The following STYX variants were observed in gnomAD, a reference collection of about 807,000 sequenced individuals.
STYX encodes serine/threonine/tyrosine interacting protein, also known as serine/threonine/tyrosine-interacting protein.
A neutral mutation model predicts 42.7 loss-of-function variants in STYX; 20 were observed. The ratio of observed to expected loss-of-function variants is 0.47; its 90% confidence interval spans 0.33 to 0.68. The LOEUF is 0.68. STYX is among the 30% of genes least tolerant of loss of function. The pLI is 0.02. For synonymous variants in STYX, 78 were observed against 81.9 expected (o/e 0.95, Z 0.26); for missense variants, 226 against 268.5 (o/e 0.84, Z 1.11).
At position 52,751,228 on chromosome 14, in the gene STYX, T is replaced by C. The variant is rs76927803; in HGVS notation, c.242+448T>C. Among the ~76,000 whole-genome samples the C allele has an allele frequency of 1.6e-3, 241 of 152,190 alleles. 1 individual carries two copies. Among genetic ancestry groups the C allele is most frequent in the African/African-American group, 5.6e-3 (233 of 41,562 alleles). ...CATTGGCTTTCTTTTTTACTTTATA[T>C]TTTTTGGAGATTGGTTTATATCGGT... On this transcript the variant is annotated intron_variant, in intron 4 of 10. Transcript: ENST00000354586.
intron 1 of STYX, among the ~76,000 whole-genome samples, chr14:52,733,496 C>A (rs1880817863): frequency 6.6e-6 from 1 of 152,178 alleles, no homozygotes; most frequent in African/African-American, 2.4e-5. Context: ...AGGCTGCCCC[C>A]AACCTCAGAT....
At chr14:52,751,969 C>T (rs1881630506) in intron 4 of STYX, among the ~76,000 whole-genome samples, 1 of 152,216 alleles carries the variant, frequency 6.6e-6, no homozygotes, top group Non-Finnish European at 1.5e-5. Flanking sequence ...TCGAGACCAG[C>T]CTGGCCAACA....
chr14:52,752,165 CA>C (rs1881639403), intron 4 of STYX, among the ~76,000 whole-genome samples: 2 of 106,450 alleles, frequency 1.9e-5, no homozygotes, highest in Admixed American at 1.9e-4. Context: ...GTCTCAAAAA[CA>C]AAACAAAACA....
chr14:52,740,236 A>T (rs907608411), intron 1 of STYX, among the ~76,000 whole-genome samples: 1 of 152,184 alleles, frequency 6.6e-6, no homozygotes, highest in Non-Finnish European at 1.5e-5. Context: ...AGATCGTGCC[A>T]CTGCATTGCA....
chr14:52,749,924 A>G (rs1465653131), intron 3 of STYX, among the ~76,000 whole-genome samples: 1 of 152,210 alleles, frequency 6.6e-6, no homozygotes, highest in Non-Finnish European at 1.5e-5. Context: ...ACTGTATGAA[A>G]TTACGTTCAG....
Position 52,771,035 on chromosome 14 carries a change from A to C in STYX, c.601A>C (p.Ser201Arg), listed in dbSNP as rs972959821. ...SLSVHSGTTG[S>R]LKRTHEEEDD... ...AATCTTCATGCAATAACTTTTAGGC[A>C]GTTTGAAGAGAACACATGAAGAAGA... Residue 201 changes from serine (S) to arginine (R), a missense_variant and splice_region_variant, in exon 11 of 11, where the codon AGT (serine) becomes CGT (arginine). Ser to Arg is a moderately radical substitution (Grantham distance 110, BLOSUM62 -1). Coordinates refer to ENST00000354586, the MANE Select transcript of STYX (RefSeq NM_145251.4). 1 of 1,612,500 alleles carries C rather than the reference A, an allele frequency of 6.2e-7. No individual in the cohort carries two copies. The highest frequency in any genetic ancestry group is 1.1e-5 in the South Asian group (1 of 90,914).
Position 52,774,640 on chromosome 14 carries a change from A to G in STYX, c.*3534A>G, listed in dbSNP as rs1305808016. 1 of 150,676 alleles carries G rather than the reference A, an allele frequency of 6.6e-6. No individual in the cohort carries two copies. The highest frequency in any genetic ancestry group is 1.5e-5 in the Non-Finnish European group (1 of 67,864). The allele number at this position is 150,676 out of a possible 1,614,324, so 9.3% of individuals were successfully genotyped here. On this transcript the variant is annotated 3_prime_UTR_variant, in exon 11 of 11. Coordinates refer to ENST00000354586, the MANE Select transcript of STYX (RefSeq NM_145251.4). ...CCCATCTGTGGCAGCTAAAACAAAAATCACTCAAAATATTCAGGTTTACAT... is the reference window on the plus strand; with the variant it reads ...CCCATCTGTGGCAGCTAAAACAAAAGTCACTCAAAATATTCAGGTTTACAT...
intron 9 of STYX, among the ~76,000 whole-genome samples, chr14:52,763,651 TG>T (rs1213605447): frequency 2.6e-5 from 4 of 152,172 alleles, no homozygotes; most frequent in Admixed American, 6.5e-5. Flanking sequence ...TTTTTATTTT[TG>T]TTCATATTTA....
At chr14:52,746,370 T>A in intron 2 of STYX, 56 bp from the exon 3 acceptor site, 1 of 1,344,256 alleles carries the variant, frequency 7.4e-7, no homozygotes, top group Admixed American at 2.4e-5. Context: ...CTTATTTATA[T>A]AGCCTTATAG....
At position 52,772,133 on chromosome 14, in the gene STYX, T is replaced by C. The variant is rs955443698; in HGVS notation, c.*1027T>C. 6.6e-6 allele frequency: 1 copy of C among 152,268 alleles called. No individual in the cohort carries two copies. Among genetic ancestry groups the C allele is most frequent in the East Asian group, 1.9e-4 (1 of 5,206 alleles). 9.4% of individuals were successfully genotyped at this position (152,268 alleles called of 1,614,324 possible). ...CACTGAAAAGTTCTTAACATTTTTG[T>C]GTAATTTCCTTTCTTTTTAAACCAT... is the stretch of plus-strand genomic sequence containing the variant. On this transcript the variant is annotated 3_prime_UTR_variant, in exon 11 of 11. Coordinates refer to ENST00000354586, the MANE Select transcript of STYX (RefSeq NM_145251.4).
chr14:52,745,111 GGTTTTTTTTTT>G (rs1355918666), intron 2 of STYX, among the ~76,000 whole-genome samples: 4 of 142,882 alleles, frequency 2.8e-5, no homozygotes, highest in African/African-American at 7.8e-5. Context: ...ACTTTCTCTT[GGTTTTTTTTTT>G]GTTTTTTTTT....
In STYX at chr14:52,771,082, A is replaced by C; in HGVS notation, c.648A>C (p.Gln216His). ...HEEEDDFGTM[Q>H]VATAQNG ...AAGAGGATGATTTTGGAACCATGCA[A>C]GTGGCGACTGCACAGAATGGCTGAC... The change falls in exon 11 of 11, where the codon CAA becomes CAC. Residue 216 changes from glutamine to histidine, a missense_variant. Transcript: ENST00000354586. 6.2e-7 allele frequency: 1 copy of C among 1,612,094 alleles called. No individual in the cohort carries two copies. Among genetic ancestry groups the C allele is most frequent in the Non-Finnish European group, 8.5e-7 (1 of 1,178,618 alleles).
chr14:52,765,495 G>A (rs891372363), intron 9 of STYX, among the ~76,000 whole-genome samples: 1 of 152,170 alleles, frequency 6.6e-6, no homozygotes, highest in Non-Finnish European at 1.5e-5. Flanking sequence ...GGGATTACAG[G>A]TGTGAGCCAC....
At chr14:52,734,423 G>T (rs1034772420) in intron 1 of STYX, among the ~76,000 whole-genome samples, 1 of 152,192 alleles carries the variant, frequency 6.6e-6, no homozygotes, top group Non-Finnish European at 1.5e-5. Context: ...GTGTGTGTGT[G>T]AGGCTGAGAG....
intron 9 of STYX, among the ~76,000 whole-genome samples, chr14:52,766,934 G>A (rs1275144632): frequency 3.5e-4 from 53 of 150,438 alleles, no homozygotes; most frequent in Non-Finnish European, 5.9e-5. Context: ...CATTGTTTTA[G>A]TTAGGCACTG....
intron 1 of STYX, among the ~76,000 whole-genome samples, chr14:52,734,784 G>T (rs532462044): frequency 2.7e-4 from 41 of 152,178 alleles, no homozygotes; most frequent in Non-Finnish European, 5.4e-4. Flanking sequence ...AAATCCGGCC[G>T]GGCGTGGTGG....
intron 4 of STYX, among the ~76,000 whole-genome samples, chr14:52,755,121 G>GTTTTTTTTTTTTTTT (rs537098365): frequency 7.2e-6 from 1 of 139,308 alleles, no homozygotes; most frequent in African/African-American, 2.7e-5. Context: ...TTGTTTTTTT[G>GTTTTTTTTTTTTTTT]TTTTTTTTTT....
At chr14:52,734,411 G>T (rs981817967) in intron 1 of STYX, among the ~76,000 whole-genome samples, 3 of 151,966 alleles carry the variant, frequency 2.0e-5, no homozygotes, top group Non-Finnish European at 2.9e-5. Flanking sequence ...CCATAGAGGT[G>T]TGTGTGTGTG....
At chr14:52,741,211 T>C (rs77614790) in intron 1 of STYX, among the ~76,000 whole-genome samples, 3 of 138,978 alleles carry the variant, frequency 2.2e-5, no homozygotes, top group Admixed American at 2.2e-4. Context: ...TATATGTTTT[T>C]ATATATATAT....
Sources: allele counts gnomAD v4.1 joint callset (sites outside exome capture counted in the v4.1 genomes callset), GRCh38; gene constraint gnomAD v4.1.1; transcripts MANE v1.5; gene names NCBI Gene and HGNC (gene_info 2026-07-23, HGNC 2026-07-21).